SARDH: variants seen among roughly 807,000 people sequenced by gnomAD.
The protein encoded by SARDH is sarcosine dehydrogenase, also known as sarcosine dehydrogenase, mitochondrial.
In SARDH, 95 loss-of-function variants were observed where a neutral mutation model predicts 109.1. That is an observed-to-expected ratio of 0.87 (90% CI 0.74 to 1.03). The LOEUF is 1.03. Among genes scored for constraint, SARDH ranks in the 50% least tolerant of loss-of-function variants. SARDH has a pLI of 0.00. For missense variants in SARDH, 1,267 were observed against 1,287.8 expected (o/e 0.98, Z 0.25); for synonymous variants, 572 against 534.8 (o/e 1.07, Z -0.96).
intron 1 of SARDH, 75 bp downstream of exon 1, chr9:133,738,179 T>G (rs1464643131): frequency 6.6e-6 from 1 of 152,342 alleles, no homozygotes. Flanking sequence ...CCCAGCCAGA[T>G]CTGACCAGGC....
At chr9:133,732,697 G>T in intron 2 of SARDH, 96 bp from the exon 3 acceptor site, 3 of 1,376,098 alleles carry the variant, frequency 2.2e-6, no homozygotes, top group Non-Finnish European at 2.9e-6. Flanking sequence ...TTCAACCATG[G>T]GTGTCTTTCT....
downstream of SARDH, among the ~76,000 whole-genome samples, chr9:133,662,400 TG>T (rs745691412): frequency 6.6e-6 from 1 of 152,042 alleles, no homozygotes; most frequent in Non-Finnish European, 1.5e-5. The surrounding 1 kb of genome is among the most constrained non-coding windows in gnomAD (Gnocchi z 5.1). Flanking sequence ...CCAGGCCATC[TG>T]GGGAGCCGGC....
rs1832781586 is a variant in SARDH at position 133,734,075 on chromosome 9, G to A, written c.99C>T (p.Gly33=). 2 of 1,613,040 alleles carry A rather than the reference G, an allele frequency of 1.2e-6. No individual in the cohort carries two copies. The highest frequency in any genetic ancestry group is 1.3e-5 in the African/African-American group (1 of 74,952). ...MGPCNLSSAA[G]PTAEKSVPYQ... ...ATGGCACACTCTTCTCGGCTGTGGG[G>A]CCAGCTGCGCTGGACAGGTTGCATG... Residue 33 remains glycine (G), a synonymous_variant, in exon 2 of 21, where the codon GGC becomes GGT. Coordinates refer to ENST00000439388, the MANE Select transcript of SARDH (RefSeq NM_001134707.2).
At chr9:133,681,263 T>C (rs1039871455) in intron 17 of SARDH, among the ~76,000 whole-genome samples, 5 of 152,124 alleles carry the variant, frequency 3.3e-5, no homozygotes, top group African/African-American at 1.2e-4. Context: ...TCCCGGCTCG[T>C]CCACAGGCCC....
chr9:133,673,205 C>T (rs528990459), intron 17 of SARDH, among the ~76,000 whole-genome samples: 16 of 152,378 alleles, frequency 1.1e-4, no homozygotes, highest in African/African-American at 3.6e-4. Context: ...GCTTCTTGCA[C>T]AGGAGGCGTG....
intron 18 of SARDH, 35 bp downstream of exon 18, chr9:133,671,500 G>GCCCC: frequency 6.7e-7 from 1 of 1,489,412 alleles, no homozygotes; most frequent in Admixed American, 2.3e-5. Context: ...CACTGCGCCC[G>GCCCC]CCCCCGCCCC....
rs144591718 is a variant in SARDH at position 133,693,809 on chromosome 9, G to T, written c.1921+449C>A. Among the ~76,000 whole-genome samples the T allele has an allele frequency of 6.6e-6, 1 of 152,212 alleles. No homozygotes were observed. Among genetic ancestry groups the T allele is most frequent in the Non-Finnish European group, 1.5e-5 (1 of 68,050 alleles). On this transcript the variant is annotated intron_variant, in intron 15 of 20. Transcript: ENST00000439388. The surrounding 1 kb of genome is among the most constrained non-coding windows in gnomAD (Gnocchi z 5.6). ...CTGCAGCAGGCAATCAGGCATCAGCGTGGGCCCTGAACTGGACGTCTTCTA... is the reference window on the plus strand; with the variant it reads ...CTGCAGCAGGCAATCAGGCATCAGCTTGGGCCCTGAACTGGACGTCTTCTA...
intron 2 of SARDH, among the ~76,000 whole-genome samples, chr9:133,733,269 G>A (rs975897552): frequency 1.3e-5 from 2 of 152,236 alleles, no homozygotes; most frequent in African/African-American, 4.8e-5. Flanking sequence ...CTATTGGCCA[G>A]GGTGGGAGTG....
chr9:133,707,615 A>T (rs1207078230), intron 11 of SARDH, among the ~76,000 whole-genome samples: 1 of 152,142 alleles, frequency 6.6e-6, no homozygotes, highest in Non-Finnish European at 1.5e-5. Context: ...CTGTTCAACA[A>T]ACATCCCCCG....
chr9:133,719,874 G>A (rs1036142468), intron 6 of SARDH, among the ~76,000 whole-genome samples: 21 of 151,886 alleles, frequency 1.4e-4, no homozygotes, highest in African/African-American at 4.6e-4. Context: ...TGCTTTGGGA[G>A]GCCAAGGCAG....
At chr9:133,737,817 T>C (rs1316521673) in intron 1 of SARDH, among the ~76,000 whole-genome samples, 2 of 152,166 alleles carry the variant, frequency 1.3e-5, no homozygotes, top group Non-Finnish European at 2.9e-5. Flanking sequence ...TAACCCACTC[T>C]CTTGCCCCCT....
Position 133,731,501 on chromosome 9 carries a change from G to T in SARDH, c.511-17C>A, listed in dbSNP as rs776737818. The T allele has an allele frequency of 8.1e-6, 13 of 1,612,808 alleles. No individual in the cohort carries two copies. The highest frequency in any genetic ancestry group is 1.3e-5 in the African/African-American group (1 of 74,902). The stretch of plus-strand genomic sequence containing the variant: ...CTTGCCCAGCTAGGGGGACCCAGGG[G>T]AGGTTAACTGAGTCCGTGGGGAGCA... On this transcript the variant is annotated splice_polypyrimidine_tract_variant and intron_variant, in intron 3 of 20. Transcript: ENST00000439388.
At chr9:133,676,483 A>T (rs1421453767) in intron 17 of SARDH, among the ~76,000 whole-genome samples, 5 of 152,236 alleles carry the variant, frequency 3.3e-5, no homozygotes, top group Non-Finnish European at 7.3e-5. Flanking sequence ...TTAAATTAAC[A>T]AACCAGCCAG....
intron 6 of SARDH, among the ~76,000 whole-genome samples, chr9:133,719,736 G>A (rs889780844): frequency 4.7e-5 from 7 of 148,472 alleles, no homozygotes; most frequent in African/African-American, 2.5e-5. Context: ...AAAGCGAAAG[G>A]CTTGCCGCCC....
intron 8 of SARDH, among the ~76,000 whole-genome samples, chr9:133,715,986 C>A (rs1832107565): frequency 6.6e-6 from 1 of 152,240 alleles, no homozygotes; most frequent in African/African-American, 2.4e-5. Context: ...GCCAGAGCTC[C>A]CCCTACCAGG....
chr9:133,706,534 G>T (rs981971781), intron 11 of SARDH, among the ~76,000 whole-genome samples: 10 of 152,186 alleles, frequency 6.6e-5, no homozygotes, highest in African/African-American at 2.4e-4. Context: ...AATGGGAACG[G>T]TTGCACAGCA....
intron 8 of SARDH, among the ~76,000 whole-genome samples, chr9:133,714,927 A>G (rs1160508917): frequency 6.6e-6 from 1 of 152,174 alleles, no homozygotes; most frequent in Non-Finnish European, 1.5e-5. Flanking sequence ...CGCTATCAAG[A>G]GCTAGCGGAG....
intron 13 of SARDH, among the ~76,000 whole-genome samples, chr9:133,700,046 G>T (rs1046298154): frequency 6.6e-6 from 1 of 152,216 alleles, no homozygotes; most frequent in African/African-American, 2.4e-5. Flanking sequence ...GAATGAAGTG[G>T]CCTGGCATGG....
In SARDH at chr9:133,671,617, G is replaced by A. The variant is rs1830353193; in HGVS notation, c.2244C>T (p.Tyr748=). The part of the protein sequence containing the change: ...HIPKASCVPV[Y]RAVMAAGAKH... ...TGGCACCCGCGGCCATCACAGCCCG[G>A]TACACAGGCACGCAGGACGCCTTTG... The change falls in exon 18 of 21, where the codon TAC becomes TAT. Residue 748 remains tyrosine (Y), a synonymous_variant. Transcript: ENST00000439388. 3.1e-6 allele frequency: 5 copies of A among 1,602,876 alleles called. No individual in the cohort carries two copies. Among genetic ancestry groups the A allele is most frequent in the South Asian group, 1.1e-5 (1 of 89,140 alleles).
Sources: gnomAD v4.1 joint callset for allele counts (sites outside exome capture counted in the v4.1 genomes callset) on GRCh38, gnomAD v4.1.1 for gene constraint, Gnocchi (gnomAD v3.1) non-coding constraint, MANE v1.5 for transcripts, NCBI Gene and HGNC (gene_info 2026-07-23, HGNC 2026-07-21) for gene names.